The following FOCAD variants were observed in gnomAD, a reference collection of about 807,000 sequenced individuals.
FOCAD encodes focadhesin, also known as KIAA1797.
FOCAD carries 198 observed loss-of-function variants against 225.6 expected under a neutral mutation model. The ratio of observed to expected loss-of-function variants is 0.88; its 90% CI spans 0.78 to 0.99. The LOEUF (loss-of-function observed/expected upper bound fraction) is 0.99. FOCAD is among the 50% of genes least tolerant of loss of function. The pLI is 0.00. For synonymous variants in FOCAD, 897 were observed against 755.0 expected (o/e 1.19, Z -3.08); for missense variants, 2,713 against 2,123.6 (o/e 1.28, Z -5.46).
intron 3 of FOCAD, 55 bp from the exon 4 acceptor site, chr9:20,720,325 G>T: frequency 1.3e-6 from 2 of 1,558,918 alleles, no homozygotes; most frequent in Non-Finnish European, 1.8e-6. Flanking sequence ...AAAGGTGTGT[G>T]TGTGTGTGTT....
chr9:20,987,048 A>G (rs1841238322), intron 40 of FOCAD, among the ~76,000 whole-genome samples: 1 of 152,264 alleles, frequency 6.6e-6, no homozygotes, highest in Non-Finnish European at 1.5e-5. Flanking sequence ...GTTGTTGGTC[A>G]TATTTACAAT....
chr9:20,759,052 A>G lies in FOCAD; in HGVS notation c.494+861A>G, dbSNP rs1230284880. Among the ~76,000 whole-genome samples, 15 of 152,120 alleles carry G rather than the reference A, an allele frequency of 9.9e-5. No homozygotes were observed. The East Asian group carries it at 1.5e-3, about 16-fold the overall frequency. ...AGAGAATAAAATACCTAGGAATCCA[A>G]CTTACAAGGGATATGAAGGACCTCT... On this transcript the variant is annotated intron_variant, in intron 6 of 43. Transcript: ENST00000338382.
chr9:20,813,332 AATATTTCCTCAAAATCCTG>A (rs1823290774), intron 11 of FOCAD, among the ~76,000 whole-genome samples: 1 of 152,174 alleles, frequency 6.6e-6, no homozygotes, highest in South Asian at 2.1e-4. Flanking sequence ...TGGGAATGTG[AATATTTCCTCAAAATCCTG>A]ATTTCAGTTC....
At chr9:20,887,036 A>G (rs566252791) in intron 21 of FOCAD, among the ~76,000 whole-genome samples, 9 of 152,274 alleles carry the variant, frequency 5.9e-5, no homozygotes, top group Non-Finnish European at 1.0e-4. Context: ...TAATCAGAGA[A>G]GATTCTAGAA....
chr9:20,895,865 C>A (rs1381210197), intron 21 of FOCAD, among the ~76,000 whole-genome samples: 2 of 151,816 alleles, frequency 1.3e-5, no homozygotes, highest in African/African-American at 4.8e-5. Flanking sequence ...ATTTTACTTT[C>A]TCTTTTTGGC....
chr9:20,904,062 A>C (rs1204491681), intron 21 of FOCAD, among the ~76,000 whole-genome samples: 1 of 151,936 alleles, frequency 6.6e-6, no homozygotes, highest in Non-Finnish European at 1.5e-5. Flanking sequence ...TAATGTTTTC[A>C]AGGTTCAGCC....
At chr9:20,905,112 G>C (rs1397520523) in intron 21 of FOCAD, among the ~76,000 whole-genome samples, 1 of 151,882 alleles carries the variant, frequency 6.6e-6, no homozygotes, top group Non-Finnish European at 1.5e-5. Flanking sequence ...AAAGAGATTT[G>C]TGCACAGCTG....
chr9:20,767,981 C>A lies in FOCAD; in HGVS notation c.700-2051C>A, dbSNP rs532500336. ...TATGTCTAATGTTTAAGTCTTTAAT[C>A]CATCTTGAATTGATTTTTGTATAAG... On this transcript the variant is annotated intron_variant, in intron 7 of 43. Transcript: ENST00000338382. Among the ~76,000 whole-genome samples the A allele has an allele frequency of 9.2e-5, 14 of 152,196 alleles. No homozygotes were observed. The East Asian group carries it at 2.3e-3, about 25-fold the overall frequency.
intron 35 of FOCAD, among the ~76,000 whole-genome samples, chr9:20,957,776 C>G (rs1239881059): frequency 1.4e-5 from 2 of 144,720 alleles, no homozygotes; most frequent in Non-Finnish European, 3.0e-5. Context: ...CCTCTGCCTC[C>G]CAAAGTGGAT....
chr9:20,799,397 A>T (rs1821522337), intron 11 of FOCAD, among the ~76,000 whole-genome samples: 1 of 152,020 alleles, frequency 6.6e-6, no homozygotes, highest in East Asian at 1.9e-4. Context: ...ATTCCTGGAT[A>T]CCCTTGTTAA....
At chr9:20,916,330 A>G (rs1461917004) in intron 23 of FOCAD, among the ~76,000 whole-genome samples, 2 of 152,188 alleles carry the variant, frequency 1.3e-5, no homozygotes, top group Non-Finnish European at 2.9e-5. Flanking sequence ...ACCCACAAGT[A>G]TAATTATTTT....
In FOCAD at chr9:20,791,237, TCA is replaced by T. The variant is rs10652100; in HGVS notation, c.1455+1654_1455+1655del. On this transcript the variant is annotated intron_variant, in intron 11 of 43. Coordinates refer to ENST00000338382, the MANE Select transcript of FOCAD (RefSeq NM_001375567.1). ...TATGCATGCACACACACACACACACTCACACACACACACACACACACACACAG... is the reference window on the plus strand; with the variant it reads ...TATGCATGCACACACACACACACACTCACACACACACACACACACACACAG... Among the ~76,000 whole-genome samples, 997 of 148,570 alleles carry T rather than the reference TCA, an allele frequency of 6.7e-3. 8 individuals carry two copies. The highest frequency in any genetic ancestry group is 0.017 in the East Asian group (87 of 5,028).
At position 20,877,799 on chromosome 9, in the gene FOCAD, A is replaced by G. The variant is rs145609219; in HGVS notation, c.2317+2992A>G. Among the ~76,000 whole-genome samples the G allele has an allele frequency of 2.8e-3, 428 of 152,268 alleles. 2 individuals are homozygous for G. The highest frequency in any genetic ancestry group is 9.7e-3 in the African/African-American group (402 of 41,558). ...GTGGCAGACACCTGTAATTCCAGCT[A>G]CTTGGGAGGCTGAGACGAGAGAGTC... On this transcript the variant is annotated intron_variant, in intron 19 of 43. Transcript: ENST00000338382.
chr9:20,682,669 A>G (rs1362277187), upstream of FOCAD, among the ~76,000 whole-genome samples: 2 of 152,224 alleles, frequency 1.3e-5, no homozygotes, highest in African/African-American at 2.4e-5. Context: ...GAAGACTGAA[A>G]GAGAGTATCA....
At chr9:20,691,920 C>T (rs1334594547) in intron 1 of FOCAD, among the ~76,000 whole-genome samples, 2 of 152,092 alleles carry the variant, frequency 1.3e-5, no homozygotes, top group Non-Finnish European at 1.5e-5. Context: ...ACTACAGGTG[C>T]GCACTACCAC....
chr9:20,723,387 C>T (rs943979574), intron 4 of FOCAD, among the ~76,000 whole-genome samples: 7 of 152,330 alleles, frequency 4.6e-5, no homozygotes, highest in Admixed American at 4.6e-4. Context: ...ACTCGGGAGG[C>T]TGAGGCAGGA....
In FOCAD at chr9:20,770,143, C is replaced by T. The variant is rs746978235; in HGVS notation, c.811C>T (p.Gln271Ter). The T allele has an allele frequency of 6.2e-7, 1 of 1,614,072 alleles. No homozygotes were observed. Among genetic ancestry groups the T allele is most frequent in the South Asian group, 1.1e-5 (1 of 91,082 alleles). The change falls in exon 8 of 44, where the codon CAG becomes TAG. Residue 271 changes from glutamine to a stop codon, truncating the protein, a stop_gained. Coordinates refer to ENST00000338382, the MANE Select transcript of FOCAD (RefSeq NM_001375567.1). LOFTEE classifies it high-confidence loss of function. ...WKIQLTQMSL[Q>*]LLCVSEVSLK... ...AATTCAGCTTACCCAGATGAGTCTT[C>T]AGCTGCTGTGTGTCAGTGAAGTCAG...
At chr9:20,759,085 G>C (rs1218842677) in intron 6 of FOCAD, among the ~76,000 whole-genome samples, 3 of 152,046 alleles carry the variant, frequency 2.0e-5, no homozygotes, top group African/African-American at 7.2e-5. Flanking sequence ...TCTTCAAGGA[G>C]AACTACAAAC....
At chr9:20,715,665 C>G (rs752866637) in intron 2 of FOCAD, among the ~76,000 whole-genome samples, 72 of 151,970 alleles carry the variant, frequency 4.7e-4, no homozygotes, top group Non-Finnish European at 8.4e-4. Context: ...CCTTGATTAA[C>G]TAGTAGGCCC....
Sources: gnomAD v4.1 joint callset for allele counts (sites outside exome capture counted in the v4.1 genomes callset) on GRCh38, gnomAD v4.1.1 for gene constraint, MANE v1.5 for transcripts, NCBI Gene and HGNC (gene_info 2026-07-23, HGNC 2026-07-21) for gene names.